Variants in RGS6 observed in about 807,000 individuals in gnomAD.
RGS6 encodes regulator of G protein signaling 6, also known as regulator of G-protein signaling 6.
Under a neutral mutation model 78.5 loss-of-function variants are expected in RGS6, and 30 were observed. The ratio of observed to expected loss-of-function variants is 0.38; its 90% CI spans 0.29 to 0.52. RGS6 has a LOEUF of 0.52. Among genes scored for constraint, RGS6 ranks in the 20% least tolerant of loss-of-function variants. RGS6 has a pLI of 0.85. For synonymous variants in RGS6, 206 were observed against 206.0 expected, an observed-to-expected ratio of 1.00 and a Z score of 0.00; for missense variants, 495 against 609.7, an observed-to-expected ratio of 0.81 and a Z score of 1.98.
At chr14:72,412,938 T>C (rs1194886335) in intron 3 of RGS6, among the ~76,000 whole-genome samples, 2 of 152,140 alleles carry the variant, frequency 1.3e-5, no homozygotes, top group African/African-American at 4.8e-5. Flanking sequence ...AGAGACAGTT[T>C]GTTATAATTT....
intron 2 of RGS6, among the ~76,000 whole-genome samples, chr14:71,981,465 T>C (rs1440034785): frequency 3.3e-5 from 5 of 152,068 alleles, no homozygotes; most frequent in African/African-American, 1.2e-4. Flanking sequence ...TGTTTGTTAG[T>C]TTTCCTTCTA....
Position 72,150,364 on chromosome 14 carries a change from G to T in RGS6, c.84+185489G>T, listed in dbSNP as rs114958159. On this transcript the variant is annotated intron_variant, in intron 2 of 17. Transcript: ENST00000553525. ...TGTCAACACCTTGATTCCAGACTTC[G>T]GGCCTCTAAAACTCAGAGAGAATAA... Among the ~76,000 whole-genome samples the T allele has an allele frequency of 5.2e-3, 794 of 152,068 alleles. 8 individuals are homozygous for T. The highest frequency in any genetic ancestry group is 0.018 in the African/African-American group (750 of 41,480).
the RGS6 span, among the ~76,000 whole-genome samples, chr14:71,891,398 C>A: frequency 1.3e-5 from 2 of 152,126 alleles, no homozygotes; most frequent in Non-Finnish European, 2.9e-5. Flanking sequence ...TGGCTGTTGG[C>A]GAGGAGCTCA....
chr14:72,425,655 A>G (rs2094404443), intron 3 of RGS6, among the ~76,000 whole-genome samples: 1 of 152,246 alleles, frequency 6.6e-6, no homozygotes, highest in Non-Finnish European at 1.5e-5. Context: ...GCAAAAATAA[A>G]CAAGAATACA....
At chr14:71,887,573 A>C in the RGS6 span, among the ~76,000 whole-genome samples, 1 of 152,200 alleles carries the variant, frequency 6.6e-6, no homozygotes, top group Non-Finnish European at 1.5e-5. Flanking sequence ...TGTTTTATGC[A>C]GTTGAGATAA....
At chr14:72,164,035 C>T (rs1262250793) in intron 2 of RGS6, among the ~76,000 whole-genome samples, 4 of 151,926 alleles carry the variant, frequency 2.6e-5, no homozygotes, top group Non-Finnish European at 5.9e-5. Context: ...TGAAAAGGTT[C>T]GACTTTTTGG....
At chr14:72,504,909 C>G (rs1023618381) in intron 13 of RGS6, among the ~76,000 whole-genome samples, 4 of 150,044 alleles carry the variant, frequency 2.7e-5, no homozygotes, top group Non-Finnish European at 5.9e-5. Flanking sequence ...TGCCCACCAC[C>G]ACGCCCAGCT....
the RGS6 span, chr14:72,619,779 A>T: frequency 1.0e-6 from 1 of 957,394 alleles, no homozygotes; most frequent in Non-Finnish European, 1.5e-6. Flanking sequence ...TGTGATGATT[A>T]AATGAGACAA....
chr14:72,067,904 A>T (rs1457046460), intron 2 of RGS6, among the ~76,000 whole-genome samples: 1 of 152,158 alleles, frequency 6.6e-6, no homozygotes, highest in Non-Finnish European at 1.5e-5. Context: ...GACATGCAGA[A>T]TCACAGGTGC....
rs533730295 is a variant in RGS6, at chr14:72,458,492, A to C, written c.342+115A>C. On this transcript the variant is annotated intron_variant, in intron 5 of 17. Transcript: ENST00000553525. ...TCTGAGGGAGTAGCCCTCACTCCTC[A>C]TCAGCACTGGGAAAGCCAAGAGAAC... 28 of 754,750 alleles carry C rather than the reference A, an allele frequency of 3.7e-5. No homozygotes were observed. In the Admixed American group the frequency reaches 5.7e-4, roughly 15 times the overall value. 46.8% of individuals were successfully genotyped at this position (754,750 alleles called of 1,614,324 possible). A position where few individuals can be genotyped will look rare whatever the true frequency, so the allele number is the denominator to read the frequency against.
intron 2 of RGS6, among the ~76,000 whole-genome samples, chr14:72,279,727 A>C (rs1051822142): frequency 9.2e-5 from 14 of 152,184 alleles, no homozygotes; most frequent in African/African-American, 3.4e-4. Flanking sequence ...TGATTTGGCG[A>C]TGGGGTGTTG....
chr14:72,177,564 G>A (rs1344154863), intron 2 of RGS6, among the ~76,000 whole-genome samples: 3 of 152,168 alleles, frequency 2.0e-5, no homozygotes, highest in Non-Finnish European at 2.9e-5. Flanking sequence ...ATCAAGTAAA[G>A]GGGCAGAGAG....
intron 13 of RGS6, among the ~76,000 whole-genome samples, chr14:72,500,903 G>T (rs2096715548): frequency 6.6e-6 from 1 of 152,290 alleles, no homozygotes; most frequent in South Asian, 2.1e-4. Flanking sequence ...GGAATGTCTA[G>T]TATGTGCTTT....
chr14:72,222,163 C>G (rs1198675199), intron 2 of RGS6, among the ~76,000 whole-genome samples: 2 of 152,162 alleles, frequency 1.3e-5, no homozygotes, highest in Admixed American at 1.3e-4. Flanking sequence ...GAATCAGCAT[C>G]TCTGTCTGAG....
intron 2 of RGS6, among the ~76,000 whole-genome samples, chr14:72,124,081 G>A (rs962256902): frequency 1.3e-5 from 2 of 152,150 alleles, no homozygotes; most frequent in Non-Finnish European, 2.9e-5. Flanking sequence ...TGAAATGGAA[G>A]GTAGGTGACA....
chr14:72,106,720 C>T (rs1247399053), intron 2 of RGS6, among the ~76,000 whole-genome samples: 1 of 152,124 alleles, frequency 6.6e-6, no homozygotes, highest in Non-Finnish European at 1.5e-5. Context: ...CCCATTGTCC[C>T]CTCCTTTTCC....
rs376197712 is a variant in RGS6 at position 72,195,007 on chromosome 14, A to C, written c.85-157088A>C. Among the ~76,000 whole-genome samples the C allele has an allele frequency of 3.0e-3, 453 of 152,134 alleles. 2 individuals are homozygous for C. Among genetic ancestry groups the C allele is most frequent in the African/African-American group, 0.011 (436 of 41,410 alleles). On this transcript the variant is annotated intron_variant, in intron 2 of 17. Transcript: ENST00000553525. ...CGGATCGCTTGAGGTCAGGAGTTCA[A>C]GACCAGCCTGGCCAACATAGCGAAA...
intron 2 of RGS6, among the ~76,000 whole-genome samples, chr14:72,052,668 A>G (rs2093322337): frequency 1.3e-5 from 2 of 152,218 alleles, no homozygotes; most frequent in African/African-American, 4.8e-5. Flanking sequence ...TTTTAATGCC[A>G]CTATATGGCA....
At chr14:72,058,408 T>TG (rs2093724617) in intron 2 of RGS6, among the ~76,000 whole-genome samples, 1 of 152,174 alleles carries the variant, frequency 6.6e-6, no homozygotes, top group Non-Finnish European at 1.5e-5. Flanking sequence ...GACAGAACTC[T>TG]AAAATCACAT....
Sources: allele counts gnomAD v4.1 joint callset (sites outside exome capture counted in the v4.1 genomes callset), GRCh38; gene constraint gnomAD v4.1.1; transcripts MANE v1.5; gene names NCBI Gene and HGNC (gene_info 2026-07-23, HGNC 2026-07-21).